The following B4GALT5 variants were observed in gnomAD, a reference collection of about 807,000 sequenced individuals.
B4GALT5 encodes beta-1,4-galactosyltransferase 5.
Under a neutral mutation model 45.0 loss-of-function variants are expected in B4GALT5, and 11 were observed. The observed-to-expected ratio is 0.24, with a 90% CI of 0.15 to 0.40. B4GALT5 has a LOEUF of 0.40. Among genes scored for constraint, B4GALT5 ranks in the 10% least tolerant of loss-of-function variants. The pLI is 1.00. For synonymous variants in B4GALT5, 185 were observed against 182.9 expected, an observed-to-expected ratio of 1.01 and a Z score of -0.09; for missense variants, 337 against 500.2, an observed-to-expected ratio of 0.67 and a Z score of 3.11.
intron 1 of B4GALT5, among the ~76,000 whole-genome samples, chr20:49,686,439 A>G (rs1010228507): frequency 1.2e-4 from 19 of 152,194 alleles, no homozygotes; most frequent in Admixed American, 7.9e-4. Flanking sequence ...ACTACTGCCT[A>G]GAAATCAAGA....
chr20:49,668,709 G>C (rs2085702728), intron 1 of B4GALT5, among the ~76,000 whole-genome samples: 1 of 152,012 alleles, frequency 6.6e-6, no homozygotes, highest in African/African-American at 2.4e-5. Flanking sequence ...CAAAGGCTCT[G>C]CTCCCCTCAC....
chr20:49,636,116 TC>T lies in B4GALT5; in HGVS notation c.*195del. On this transcript the variant is annotated 3_prime_UTR_variant, in exon 9 of 9. Coordinates refer to ENST00000371711, the MANE Select transcript of B4GALT5 (RefSeq NM_004776.4). The stretch of plus-strand genomic sequence containing the variant: ...TGACGAAGGAAGTCCCCAAGCTCAC[TC>T]CCTCAGTTCCAGCGGCTGATCCAGT... 1.5e-6 allele frequency: 1 copy of T among 659,488 alleles called. No individual in the cohort carries two copies. Among genetic ancestry groups the T allele is most frequent in the Non-Finnish European group, 2.5e-6 (1 of 395,162 alleles). The allele number at this position is 659,488 out of a possible 1,614,324, so 40.9% of individuals were successfully genotyped here. A position where few individuals can be genotyped will look rare whatever the true frequency, so the allele number is the denominator to read the frequency against.
At chr20:49,687,232 ACT>A (rs2085790036) in intron 1 of B4GALT5, among the ~76,000 whole-genome samples, 1 of 152,212 alleles carries the variant, frequency 6.6e-6, no homozygotes, top group Admixed American at 6.5e-5. Context: ...AGGTTGAGAA[ACT>A]CTGCCTTAGA....
intron 1 of B4GALT5, among the ~76,000 whole-genome samples, chr20:49,709,251 T>C (rs956870737): frequency 2.0e-5 from 3 of 152,112 alleles, no homozygotes; most frequent in African/African-American, 4.8e-5. Context: ...CTGAAGGGAA[T>C]AGGGATATTT....
At chr20:49,650,728 G>A (rs2085618907) in intron 2 of B4GALT5, among the ~76,000 whole-genome samples, 2 of 152,126 alleles carry the variant, frequency 1.3e-5, no homozygotes, top group Admixed American at 1.3e-4. Context: ...TCACGACCTG[G>A]TAAAACTATG....
intron 1 of B4GALT5, chr20:49,684,649 A>G (rs1243698037): frequency 5.8e-6 from 3 of 518,768 alleles, no homozygotes; most frequent in Admixed American, 1.9e-5. Context: ...TACAGTAAGT[A>G]CTGATCTACA....
At chr20:49,673,674 T>C (rs533505881) in intron 1 of B4GALT5, among the ~76,000 whole-genome samples, 196 of 152,292 alleles carry the variant, frequency 1.3e-3, no homozygotes, top group African/African-American at 4.4e-3. Context: ...ATTGAAAAGA[T>C]TATGAAAGTA....
rs6095595 is a variant in B4GALT5 at position 49,643,033 on chromosome 20, G to A, written c.490-449C>T. 2.0e-5 allele frequency among the ~76,000 whole-genome samples: 3 copies of A among 152,238 alleles called. No homozygotes were observed. The South Asian group carries it at 6.2e-4, about 31-fold the overall frequency. Reference sequence around the variant, plus strand: ...AGCAGCACTTAACGAGGCTGGCACAGAATACGCATTTTAATAGATACTTGT... The same window carrying A: ...AGCAGCACTTAACGAGGCTGGCACAAAATACGCATTTTAATAGATACTTGT... On this transcript the variant is annotated intron_variant, in intron 4 of 8. Transcript: ENST00000371711.
intron 3 of B4GALT5, among the ~76,000 whole-genome samples, chr20:49,644,991 TAA>T (rs905095753): frequency 2.6e-5 from 4 of 152,174 alleles, no homozygotes; most frequent in Admixed American, 6.5e-5. Flanking sequence ...AGGAAAGGTA[TAA>T]GAGTTTACTG....
At chr20:49,696,847 T>G (rs146031441) in intron 1 of B4GALT5, among the ~76,000 whole-genome samples, 32 of 152,378 alleles carry the variant, frequency 2.1e-4, no homozygotes, top group African/African-American at 7.2e-4. Flanking sequence ...CATTCTGGAA[T>G]GTTTCTGATG....
intron 1 of B4GALT5, among the ~76,000 whole-genome samples, chr20:49,711,901 GAC>G (rs2085913915): frequency 6.6e-6 from 1 of 152,174 alleles, no homozygotes; most frequent in African/African-American, 2.4e-5. Context: ...GTTCTGCGTT[GAC>G]AGGTCAACAG....
intron 1 of B4GALT5, among the ~76,000 whole-genome samples, chr20:49,702,804 G>A (rs2085867746): frequency 6.6e-6 from 1 of 151,958 alleles, no homozygotes; most frequent in Non-Finnish European, 1.5e-5. Flanking sequence ...GCAGTGAGCC[G>A]TGATAGTGCC....
chr20:49,694,444 G>A (rs1370885384), intron 1 of B4GALT5, among the ~76,000 whole-genome samples: 1 of 152,062 alleles, frequency 6.6e-6, no homozygotes, highest in Non-Finnish European at 1.5e-5. Flanking sequence ...TTGAGCCCAG[G>A]AATTTGAGAC....
Position 49,656,562 on chromosome 20 carries a change from A to G in B4GALT5, c.250+6T>C. On this transcript the variant is annotated splice_donor_region_variant and intron_variant, in intron 2 of 8. Transcript: ENST00000371711. ...TAATCAGACCACCTCTTTACTAAAA[A>G]TATACCTGAGTCATTTACACTGCTG... The G allele has an allele frequency of 6.2e-7, 1 of 1,614,094 alleles. No homozygotes were observed. Among genetic ancestry groups the G allele is most frequent in the Non-Finnish European group, 8.5e-7 (1 of 1,179,982 alleles).
At chr20:49,651,277 CTT>C (rs1458648992) in intron 2 of B4GALT5, among the ~76,000 whole-genome samples, 1 of 151,956 alleles carries the variant, frequency 6.6e-6, no homozygotes, top group Non-Finnish European at 1.5e-5. Context: ...CAGAGCGAGA[CTT>C]TGTCTCAAAA....
At chr20:49,685,689 G>T (rs1399239343) in intron 1 of B4GALT5, among the ~76,000 whole-genome samples, 4 of 152,096 alleles carry the variant, frequency 2.6e-5, no homozygotes, top group Non-Finnish European at 5.9e-5. Context: ...GGACTCAGAA[G>T]AGGCATATCC....
chr20:49,694,687 AGGG>A (rs2085830942), intron 1 of B4GALT5, among the ~76,000 whole-genome samples: 4 of 97,898 alleles, frequency 4.1e-5, no homozygotes, highest in African/African-American at 1.3e-4. Context: ...GGAAAGGGAA[AGGG>A]AAAGGGAAAG....
At chr20:49,669,338 TACAG>T (rs1010974766) in intron 1 of B4GALT5, among the ~76,000 whole-genome samples, 3 of 152,090 alleles carry the variant, frequency 2.0e-5, no homozygotes, top group East Asian at 1.9e-4. Context: ...TCCTTAAGAG[TACAG>T]ACAGTCTTAT....
chr20:49,650,440 GA>G (rs1362400566), intron 2 of B4GALT5, among the ~76,000 whole-genome samples: 4 of 139,506 alleles, frequency 2.9e-5, no homozygotes, highest in Non-Finnish European at 1.5e-5. Context: ...CCAATATGGT[GA>G]AACCCCATCT....
Sources: gnomAD v4.1 joint callset for allele counts (sites outside exome capture counted in the v4.1 genomes callset) on GRCh38, gnomAD v4.1.1 for gene constraint, MANE v1.5 for transcripts, NCBI Gene and HGNC (gene_info 2026-07-23, HGNC 2026-07-21) for gene names.